RNF128: variants seen among roughly 807,000 people sequenced by gnomAD.
The protein encoded by RNF128 is E3 ubiquitin-protein ligase RNF128.
RNF128 carries 13 observed loss-of-function variants against 26.2 expected under a neutral mutation model. The ratio of observed to expected loss-of-function variants is 0.50; its 90% CI spans 0.32 to 0.79. The LOEUF (loss-of-function observed/expected upper bound fraction) is 0.79, where lower values mean the gene tolerates loss of function less well. Ranked by LOEUF, RNF128 falls within the 30% of genes least tolerant of loss-of-function variation. The probability of loss-of-function intolerance (pLI) is 0.03; values close to 1 mark genes in which losing one functional copy is unlikely to be tolerated. For synonymous variants in RNF128, 149 were observed against 142.5 expected, an observed-to-expected ratio of 1.05 and a Z score of -0.32; for missense variants, 315 against 349.7, an observed-to-expected ratio of 0.90 and a Z score of 0.79.
At chrX:106,694,146 A>G (rs1277653888) in exon 1 of RNF128, 12 of 1,209,217 alleles carry the variant, frequency 9.9e-6, no homozygotes, top group Non-Finnish European at 1.3e-5. Flanking sequence ...CAATAGAGAC[A>G]TGTGAATGTG....
chrX:106,728,658 C>T (rs776602417), intron 1 of RNF128, among the ~76,000 whole-genome samples: 1 of 111,313 alleles, frequency 9.0e-6, no homozygotes, highest in South Asian at 3.8e-4. Flanking sequence ...GGCTGGATGG[C>T]GTAATGGAAA....
At chrX:106,700,028 A>T (rs994925043) in intron 1 of RNF128, among the ~76,000 whole-genome samples, 3 of 101,542 alleles carry the variant, frequency 3.0e-5, no homozygotes, top group South Asian at 4.2e-4. Flanking sequence ...TATTTATTTA[A>T]TTTTTTTTTT....
exon 1 of RNF128, chrX:106,694,302 T>C (rs769615159): frequency 2.5e-6 from 3 of 1,210,561 alleles, no homozygotes; most frequent in Non-Finnish European, 3.4e-6. Flanking sequence ...GAGGTAATTG[T>C]ACATTTTCAG....
intron 2 of RNF128, among the ~76,000 whole-genome samples, chrX:106,777,714 C>T (rs958769824): frequency 8.9e-6 from 1 of 111,783 alleles, no homozygotes; most frequent in Non-Finnish European, 1.9e-5. Flanking sequence ...TCACACCTGT[C>T]GTACCAGCAC....
At chrX:106,740,909 C>G (rs990012707) in intron 1 of RNF128, among the ~76,000 whole-genome samples, 1 of 111,378 alleles carries the variant, frequency 9.0e-6, no homozygotes, top group Non-Finnish European at 1.9e-5. Context: ...AGTTGTTTCA[C>G]CTTTTCTTAT....
chrX:106,722,594 T>C (rs1929332363), upstream of RNF128, among the ~76,000 whole-genome samples: 1 of 111,891 alleles, frequency 8.9e-6, no homozygotes, highest in South Asian at 3.8e-4. Context: ...TTTGTTGCAG[T>C]CATGATCTAC....
At chrX:106,750,087 G>T (rs1416305409) in intron 1 of RNF128, among the ~76,000 whole-genome samples, 1 of 111,526 alleles carries the variant, frequency 9.0e-6, no homozygotes, top group Non-Finnish European at 1.9e-5. Context: ...ATAATCAATT[G>T]TACTTAAGTT....
rs767594320 is a variant in RNF128, at chrX:106,694,489, C to A, written c.406+81C>A. 4.0e-5 allele frequency: 30 copies of A among 750,457 alleles called. No individual in the cohort carries two copies. In the East Asian group the frequency reaches 6.3e-4, roughly 16 times the overall value. The allele number at this position is 750,457 out of a possible 1,213,427, so 61.8% of individuals were successfully genotyped here. A position where few individuals can be genotyped will look rare whatever the true frequency, so the allele number is the denominator to read the frequency against. ...TTTCCATCTAGAACTGGTCTAGGAT[C>A]TGGCAACAAGGTTGTAAAATAATTT... On this transcript the variant is annotated intron_variant, in intron 1 of 6. Coordinates refer to the RNF128 transcript ENST00000324342.
chrX:106,755,893 G>C (rs1929999191), intron 1 of RNF128, among the ~76,000 whole-genome samples: 1 of 110,462 alleles, frequency 9.1e-6, no homozygotes, highest in Admixed American at 9.7e-5. Context: ...AAAGTCTCAG[G>C]ATACAAAATC....
At chrX:106,781,269 C>T (rs971130645) in intron 2 of RNF128, among the ~76,000 whole-genome samples, 2 of 111,581 alleles carry the variant, frequency 1.8e-5, no homozygotes, top group East Asian at 5.6e-4. Flanking sequence ...AAATTCTGAT[C>T]TGGTAGCAAG....
At chrX:106,697,934 G>T in intron 1 of RNF128, among the ~76,000 whole-genome samples, 1 of 108,216 alleles carries the variant, frequency 9.2e-6, no homozygotes. Flanking sequence ...AAACATATAT[G>T]TATATATACA....
Position 106,791,125 on chromosome X carries a change from T to C in RNF128, c.1044T>C (p.Asn348=). 1.7e-6 allele frequency: 2 copies of C among 1,207,862 alleles called. No individual in the cohort carries two copies. Among genetic ancestry groups the C allele is most frequent in the South Asian group, 1.8e-5 (1 of 56,797 alleles). ...TCCCTGTATCCAATGAAATATCTAATAGTGCCTCCTCCCATGAAGAGGATA... is the reference window on the plus strand; with the variant it reads ...TCCCTGTATCCAATGAAATATCTAACAGTGCCTCCTCCCATGAAGAGGATA... ...LQVPVSNEIS[N]SASSHEEDNR... Residue 348 remains asparagine (N), a synonymous_variant, in exon 6 of 7, where the codon AAT becomes AAC. Transcript: ENST00000255499.
chrX:106,749,569 A>C (rs1648179126), intron 1 of RNF128, among the ~76,000 whole-genome samples: 1 of 111,897 alleles, frequency 8.9e-6, no homozygotes, highest in African/African-American at 3.2e-5. Flanking sequence ...ACAAGTAGAA[A>C]CACTTAATTT....
rs1930828826 is a variant in RNF128 at position 106,791,671 on chromosome X, A to G, written c.1153+437A>G. Reference sequence around the variant, plus strand: ...ACTTCTCTGGAACCCATGTTTTGCAAGTAGGAAACTGTTTAAGAATGGTAT... The same window carrying G: ...ACTTCTCTGGAACCCATGTTTTGCAGGTAGGAAACTGTTTAAGAATGGTAT... On this transcript the variant is annotated intron_variant, in intron 6 of 6. Transcript: ENST00000255499. Among the ~76,000 whole-genome samples the G allele has an allele frequency of 2.7e-5, 3 of 111,512 alleles. No homozygotes were observed. In the South Asian group the frequency reaches 1.1e-3, roughly 42 times the overall value.
intron 1 of RNF128, among the ~76,000 whole-genome samples, chrX:106,706,565 G>T (rs1409712030): frequency 3.6e-5 from 4 of 111,605 alleles, no homozygotes; most frequent in African/African-American, 1.3e-4. Context: ...GGCTTTGTAG[G>T]GGGATAGACC....
chrX:106,772,138 G>A (rs1446747656), intron 1 of RNF128, among the ~76,000 whole-genome samples: 1 of 110,817 alleles, frequency 9.0e-6, no homozygotes, highest in African/African-American at 3.4e-5. Flanking sequence ...GATAATGTTT[G>A]TACTTTATTT....
intron 1 of RNF128, among the ~76,000 whole-genome samples, chrX:106,750,749 A>T (rs754235228): frequency 9.0e-6 from 1 of 111,339 alleles, no homozygotes; most frequent in African/African-American, 3.3e-5. Flanking sequence ...AAAAAAAAAG[A>T]GAGAGAGGAG....
At chrX:106,725,762 C>T (rs545311603), upstream of RNF128, among the ~76,000 whole-genome samples, 1 of 112,642 alleles carries the variant, frequency 8.9e-6, no homozygotes, top group Admixed American at 9.3e-5. Context: ...AACTGAGCCA[C>T]AGGGAAGTTC....
intron 1 of RNF128, among the ~76,000 whole-genome samples, chrX:106,748,266 A>G (rs1929821587): frequency 8.9e-6 from 1 of 112,359 alleles, no homozygotes; most frequent in Non-Finnish European, 1.9e-5. Flanking sequence ...ATTTTGAGAA[A>G]AAAACATAAT....
Sources: gnomAD v4.1 joint callset for allele counts (sites outside exome capture counted in the v4.1 genomes callset) on GRCh38, gnomAD v4.1.1 for gene constraint, MANE v1.5 for transcripts, NCBI Gene and HGNC (gene_info 2026-07-23, HGNC 2026-07-21) for gene names.